Variants in DRC8 observed in about 807,000 individuals in gnomAD.
DRC8 encodes the protein dynein regulatory complex subunit 8, also known as dynein regulatory complex protein 8.
chr1:244,984,504 TTAAGAG>T, the DRC8 span, among the ~76,000 whole-genome samples: 3 of 152,136 alleles, frequency 2.0e-5, no homozygotes, highest in Admixed American at 6.5e-5. Flanking sequence ...CATCTTCTTA[TTAAGAG>T]TAAATGTATT....
the DRC8 span, among the ~76,000 whole-genome samples, chr1:245,054,441 G>A: frequency 6.6e-6 from 1 of 152,090 alleles, no homozygotes; most frequent in African/African-American, 2.4e-5. Context: ...CAAAATCATA[G>A]CTGATCTCCT....
At chr1:245,040,430 G>A in the DRC8 span, among the ~76,000 whole-genome samples, 3 of 152,178 alleles carry the variant, frequency 2.0e-5, no homozygotes, top group African/African-American at 4.8e-5. Context: ...AAAGTGCTGA[G>A]AGACAAGTCC....
At chr1:245,033,158 C>T in the DRC8 span, among the ~76,000 whole-genome samples, 10 of 152,310 alleles carry the variant, frequency 6.6e-5, no homozygotes, top group South Asian at 2.1e-4. Context: ...TGGCACACGG[C>T]GGGCTCTCCA....
chr1:245,002,212 C>A, the DRC8 span: 1 of 1,609,160 alleles, frequency 6.2e-7, no homozygotes, highest in Non-Finnish European at 8.5e-7. Flanking sequence ...CACACAATGA[C>A]GGTGTTATGG....
At chr1:245,015,766 C>A in the DRC8 span, 1 of 267,686 alleles carries the variant, frequency 3.7e-6, no homozygotes, top group South Asian at 3.6e-5. Flanking sequence ...TTTCTCACCA[C>A]CTTCACTGCT....
chr1:245,114,763 C>G, the DRC8 span, among the ~76,000 whole-genome samples: 1 of 152,198 alleles, frequency 6.6e-6, no homozygotes, highest in African/African-American at 2.4e-5. Flanking sequence ...GAGTCTTGCT[C>G]TGTTGCCCAA....
At chr1:245,044,769 G>A in the DRC8 span, among the ~76,000 whole-genome samples, 1 of 151,774 alleles carries the variant, frequency 6.6e-6, no homozygotes, top group South Asian at 2.1e-4. Flanking sequence ...TAGTAGAGAT[G>A]GCATTTCACC....
the DRC8 span, among the ~76,000 whole-genome samples, chr1:245,003,651 G>A: frequency 6.6e-6 from 1 of 152,148 alleles, no homozygotes; most frequent in African/African-American, 2.4e-5. Context: ...GTGCAGTGGT[G>A]GAATTATGGC....
chr1:245,098,409 C>T, the DRC8 span, among the ~76,000 whole-genome samples: 17 of 152,106 alleles, frequency 1.1e-4, no homozygotes, highest in South Asian at 1.7e-3. Context: ...AGAAGGGCTC[C>T]GAGGGCTGAA....
At chr1:245,021,107 A>C in the DRC8 span, among the ~76,000 whole-genome samples, 1 of 152,188 alleles carries the variant, frequency 6.6e-6, no homozygotes, top group South Asian at 2.1e-4. Flanking sequence ...TGTTTTGGAA[A>C]ATATAGTTTA....
At chr1:245,032,703 A>G in the DRC8 span, among the ~76,000 whole-genome samples, 1 of 152,192 alleles carries the variant, frequency 6.6e-6, no homozygotes, top group Non-Finnish European at 1.5e-5. Flanking sequence ...GGGGGTATGT[A>G]ACTAGTTGTG....
the DRC8 span, among the ~76,000 whole-genome samples, chr1:245,072,614 C>T: frequency 1.3e-5 from 2 of 152,326 alleles, no homozygotes; most frequent in Middle Eastern, 3.4e-3. Context: ...CATTTGTCCA[C>T]ACCCATTGAA....
At chr1:245,072,740 G>C in the DRC8 span, among the ~76,000 whole-genome samples, 2 of 152,214 alleles carry the variant, frequency 1.3e-5, no homozygotes, top group African/African-American at 4.8e-5. Flanking sequence ...AATCATGGGG[G>C]AAGATCCCTC....
At chr1:245,048,675 C>T in the DRC8 span, among the ~76,000 whole-genome samples, 112 of 152,176 alleles carry the variant, frequency 7.4e-4, no homozygotes, top group East Asian at 0.015. Context: ...CTCTCTCCCC[C>T]GTTTCTCTCT....
the DRC8 span, among the ~76,000 whole-genome samples, chr1:245,056,078 T>C: frequency 1.9e-4 from 29 of 152,250 alleles, no homozygotes; most frequent in Middle Eastern, 3.4e-3. Context: ...ATTCATTTGT[T>C]TGTAATTCAA....
chr1:245,068,959 C>T, the DRC8 span, among the ~76,000 whole-genome samples: 3 of 152,180 alleles, frequency 2.0e-5, no homozygotes, highest in African/African-American at 7.2e-5. Context: ...ACCTTTTTCA[C>T]TCACTATTAC....
At chr1:245,036,901 G>A in the DRC8 span, among the ~76,000 whole-genome samples, 12 of 152,180 alleles carry the variant, frequency 7.9e-5, no homozygotes, top group Non-Finnish European at 1.0e-4. Context: ...TCTGGGATTA[G>A]ATGGTGGTGA....
At chr1:245,002,273 C>T in the DRC8 span, 981 of 1,510,646 alleles carry the variant, frequency 6.5e-4, 5 homozygotes, top group African/African-American at 9.9e-3. Flanking sequence ...CTGTGTCAAT[C>T]GCTTAACCAT....
the DRC8 span, among the ~76,000 whole-genome samples, chr1:245,009,285 G>A: frequency 1.3e-5 from 2 of 151,564 alleles, no homozygotes; most frequent in African/African-American, 4.8e-5. Context: ...CGCCTGCCTC[G>A]GCCTCCCAAA....
Sources: allele counts gnomAD v4.1 joint callset (sites outside exome capture counted in the v4.1 genomes callset), GRCh38; gene constraint gnomAD v4.1.1; transcripts MANE v1.5; gene names NCBI Gene and HGNC (gene_info 2026-07-23, HGNC 2026-07-21).